PCDHGA1: variants seen among roughly 807,000 people sequenced by gnomAD.
The protein encoded by PCDHGA1 is protocadherin gamma-A1.
In PCDHGA1, 32 loss-of-function variants were observed where a neutral mutation model predicts 58.0. That is an observed-to-expected ratio of 0.55 (90% CI 0.42 to 0.74). PCDHGA1 has a LOEUF of 0.74. Ranked by LOEUF, PCDHGA1 falls within the 30% of genes least tolerant of loss-of-function variation. The probability of loss-of-function intolerance (pLI) is 0.00; values close to 1 mark genes in which losing one functional copy is unlikely to be tolerated. For synonymous variants in PCDHGA1, 498 were observed against 501.1 expected, an observed-to-expected ratio of 0.99 and a Z score of 0.08; for missense variants, 1,205 against 1,182.3, an observed-to-expected ratio of 1.02 and a Z score of -0.28.
At position 141,409,359 on chromosome 5, in the gene PCDHGA1, T is replaced by C. The variant is rs371907890; in HGVS notation, c.2421+76254T>C. ...GGAAATGGAGAAGTCAGGTGTAATA[T>C]AGAAACAGACATTCCATTCAAGATT... On this transcript the variant is annotated intron_variant, in intron 1 of 3. Coordinates refer to ENST00000517417, the MANE Select transcript of PCDHGA1 (RefSeq NM_018912.3). 6.8e-6 allele frequency: 11 copies of C among 1,614,026 alleles called. No individual in the cohort carries two copies. The highest frequency in any genetic ancestry group is 8.5e-6 in the Non-Finnish European group (10 of 1,179,908).
chr5:141,484,647 G>C (rs556711906), intron 1 of PCDHGA1, among the ~76,000 whole-genome samples: 1 of 151,948 alleles, frequency 6.6e-6, no homozygotes, highest in African/African-American at 2.4e-5. Context: ...CTCTCCAATG[G>C]CTACTCTCCC....
chr5:141,431,297 C>T lies in PCDHGA1; in HGVS notation c.2422-63510C>T. The T allele has an allele frequency of 6.2e-7, 1 of 1,614,126 alleles. No homozygotes were observed. The highest frequency in any genetic ancestry group is 8.5e-7 in the Non-Finnish European group (1 of 1,180,036). Reference sequence around the variant, plus strand: ...GCTCAGCCCGAACACTCACTTCTCCCTCATCGTGCAAAATGGAGCCGACGG... The same window carrying T: ...GCTCAGCCCGAACACTCACTTCTCCTTCATCGTGCAAAATGGAGCCGACGG... On this transcript the variant is annotated intron_variant, in intron 1 of 3. Coordinates refer to ENST00000517417, the MANE Select transcript of PCDHGA1 (RefSeq NM_018912.3). This position sits in a 1 kb window ranked among gnomAD's most constrained non-coding sequence, Gnocchi z 4.8.
chr5:141,384,708 G>T (rs1222018997), intron 1 of PCDHGA1: 3 of 1,614,116 alleles, frequency 1.9e-6, no homozygotes, highest in Non-Finnish European at 2.5e-6. Context: ...AGAACGCCTG[G>T]CTGTCATACC....
chr5:141,428,267 T>C, intron 1 of PCDHGA1: 1 of 796,264 alleles, frequency 1.3e-6, no homozygotes, highest in Non-Finnish European at 2.1e-6. Context: ...GACAGTCCTG[T>C]GCCCTCTGAT....
chr5:141,405,439 A>G (rs1285285172), intron 1 of PCDHGA1: 1 of 1,423,798 alleles, frequency 7.0e-7, no homozygotes, highest in Admixed American at 2.0e-5. Context: ...TTTGTTTTTG[A>G]GACAGAGTCT....
At position 141,350,948 on chromosome 5, in the gene PCDHGA1, A is replaced by G. The variant is rs1758601820; in HGVS notation, c.2421+17843A>G. On this transcript the variant is annotated intron_variant, in intron 1 of 3. Transcript: ENST00000517417. The stretch of plus-strand genomic sequence containing the variant: ...CACCACCCATATCTGGATCCGAGTT[A>G]CGGATGCCAATGATAATGCTCCCGT... The G allele has an allele frequency of 1.9e-6, 3 of 1,614,088 alleles. No individual in the cohort carries two copies. In the East Asian group the frequency reaches 6.7e-5, roughly 36 times the overall value.
At chr5:141,400,740 G>T in intron 1 of PCDHGA1, 1 of 616,766 alleles carries the variant, frequency 1.6e-6, no homozygotes, top group Non-Finnish European at 2.8e-6. Context: ...GTGAGAGTTT[G>T]CTCTTAGCTT....
intron 1 of PCDHGA1, chr5:141,398,846 C>T (rs1589346275): frequency 3.7e-6 from 6 of 1,613,850 alleles, no homozygotes; most frequent in South Asian, 3.3e-5. Flanking sequence ...GATAATCCCC[C>T]GGTATTCAAC....
At chr5:141,371,462 A>G (rs181808735) in intron 1 of PCDHGA1, 29 of 1,613,988 alleles carry the variant, frequency 1.8e-5, no homozygotes, top group Admixed American at 3.3e-5. Flanking sequence ...CCCAACATAT[A>G]CAAGAAGATG....
chr5:141,369,740 G>T (rs1766464180), intron 1 of PCDHGA1, among the ~76,000 whole-genome samples: 1 of 152,190 alleles, frequency 6.6e-6, no homozygotes, highest in Non-Finnish European at 1.5e-5. Flanking sequence ...AAAGGAAATA[G>T]AATGCAATAA....
chr5:141,424,750 A>T (rs2096838482), intron 1 of PCDHGA1: 1 of 152,114 alleles, frequency 6.6e-6, no homozygotes, highest in Admixed American at 6.5e-5. Context: ...CTTTCTTTAT[A>T]AGGTCATTCT....
intron 1 of PCDHGA1, chr5:141,417,619 C>A: frequency 1.5e-6 from 1 of 656,120 alleles, no homozygotes; most frequent in South Asian, 2.4e-5. Flanking sequence ...CAGTGCAGAG[C>A]AAGCGCTGAC....
At chr5:141,436,959 G>A (rs1385958934) in intron 1 of PCDHGA1, among the ~76,000 whole-genome samples, 1 of 152,120 alleles carries the variant, frequency 6.6e-6, no homozygotes, top group Non-Finnish European at 1.5e-5. Context: ...TCTAAACAAG[G>A]ATCTTGTGAA....
At chr5:141,414,706 A>G in intron 1 of PCDHGA1, 1 of 1,614,002 alleles carries the variant, frequency 6.2e-7, no homozygotes, top group South Asian at 1.1e-5. Context: ...ATACATATCC[A>G]TCAACTCAGA....
At chr5:141,404,771 C>A in intron 1 of PCDHGA1, 2 of 1,613,870 alleles carry the variant, frequency 1.2e-6, no homozygotes, top group African/African-American at 1.3e-5. Context: ...GCTCTCCTAC[C>A]GCCTATTCAA....
intron 1 of PCDHGA1, among the ~76,000 whole-genome samples, chr5:141,456,640 TG>T (rs1258175023): frequency 6.6e-6 from 1 of 152,130 alleles, no homozygotes; most frequent in Non-Finnish European, 1.5e-5. Flanking sequence ...TTACTACAGG[TG>T]TTAATCCCAA....
chr5:141,491,493 G>A lies in PCDHGA1; in HGVS notation c.2422-3314G>A, dbSNP rs1008591563. On this transcript the variant is annotated intron_variant, in intron 1 of 3. Transcript: ENST00000517417. This position sits in a 1 kb window ranked among gnomAD's most constrained non-coding sequence, Gnocchi z 6.9. ...AGCAGTCCAGCCCCAACCTGCAGGT[G>A]AGCTCGGACGGCACGCTCAAGTACA... 6.2e-7 allele frequency: 1 copy of A among 1,614,000 alleles called. No homozygotes were observed. Among genetic ancestry groups the A allele is most frequent in the African/African-American group, 1.3e-5 (1 of 74,928 alleles).
At chr5:141,350,183 A>G in intron 1 of PCDHGA1, 1 of 1,343,484 alleles carries the variant, frequency 7.4e-7, no homozygotes, top group East Asian at 2.5e-5. Flanking sequence ...CTAAGCTCAA[A>G]TCACAGAAGT....
At chr5:141,389,640 G>A in intron 1 of PCDHGA1, 1 of 1,612,974 alleles carries the variant, frequency 6.2e-7, no homozygotes, top group Non-Finnish European at 8.5e-7. Flanking sequence ...TGGCTACTTG[G>A]TGACCAAGGT....
Sources: allele counts gnomAD v4.1 joint callset (sites outside exome capture counted in the v4.1 genomes callset), GRCh38; gene constraint gnomAD v4.1.1; non-coding constraint Gnocchi (gnomAD v3.1); transcripts MANE v1.5; gene names NCBI Gene and HGNC (gene_info 2026-07-23, HGNC 2026-07-21).